The following RAD18 variants were observed in gnomAD, a reference collection of about 807,000 sequenced individuals.
The protein encoded by RAD18 is RAD18 E3 ubiquitin protein ligase.
Under a neutral mutation model 60.4 loss-of-function variants are expected in RAD18, and 47 were observed. That is an observed-to-expected ratio of 0.78 (90% CI 0.62 to 0.99). The LOEUF is 0.99. Among genes scored for constraint, RAD18 ranks in the 50% least tolerant of loss-of-function variants. The pLI is 0.00. For synonymous variants in RAD18, 225 were observed against 195.5 expected, an observed-to-expected ratio of 1.15 and a Z score of -1.26; for missense variants, 640 against 593.3, an observed-to-expected ratio of 1.08 and a Z score of -0.82.
intron 7 of RAD18, among the ~76,000 whole-genome samples, chr3:8,925,205 G>A (rs1437506065): frequency 6.0e-5 from 9 of 148,866 alleles, no homozygotes; most frequent in South Asian, 2.2e-4. Context: ...TCAAATAGAC[G>A]CAATAAAAAA....
At chr3:8,923,251 A>C (rs1305452106) in intron 7 of RAD18, among the ~76,000 whole-genome samples, 1 of 152,200 alleles carries the variant, frequency 6.6e-6, no homozygotes. Context: ...CATGGCACAA[A>C]AACTACGTGA....
At chr3:8,919,550 G>A (rs1940274826) in intron 7 of RAD18, among the ~76,000 whole-genome samples, 2 of 152,284 alleles carry the variant, frequency 1.3e-5, no homozygotes, top group African/African-American at 4.8e-5. Context: ...AAGTGTACAT[G>A]GATTTACATG....
chr3:8,923,764 AT>A (rs1282588307), intron 7 of RAD18, among the ~76,000 whole-genome samples: 1 of 152,212 alleles, frequency 6.6e-6, no homozygotes, highest in Non-Finnish European at 1.5e-5. Flanking sequence ...AATATTCAGC[AT>A]TCTTAAAGAA....
chr3:8,893,693 AT>A (rs71049754), intron 11 of RAD18, among the ~76,000 whole-genome samples: 49,715 of 104,588 alleles, frequency 0.48, 10,931 homozygotes, highest in Middle Eastern at 0.67. Flanking sequence ...AGCTTTTTTA[AT>A]TTTTTTTTTT....
At chr3:8,923,923 G>A (rs982218769) in intron 7 of RAD18, among the ~76,000 whole-genome samples, 1,840 of 152,156 alleles carry the variant, frequency 0.012, 18 homozygotes, top group Non-Finnish European at 0.019. Context: ...AGCACTAAAC[G>A]TGGAAAGGAA....
chr3:8,952,384 C>T (rs1940940733), intron 2 of RAD18, among the ~76,000 whole-genome samples: 1 of 152,152 alleles, frequency 6.6e-6, no homozygotes, highest in Non-Finnish European at 1.5e-5. Flanking sequence ...CTGAGCAATA[C>T]TGTAAGTCAA....
intron 5 of RAD18, 107 bp downstream of exon 5, chr3:8,941,360 G>A (rs1940743162): frequency 4.1e-6 from 4 of 970,888 alleles, no homozygotes; most frequent in Admixed American, 2.8e-5. Context: ...GGTAAAATCT[G>A]GTTTGTCCTT....
intron 6 of RAD18, among the ~76,000 whole-genome samples, chr3:8,936,793 G>A (rs541700344): frequency 2.0e-5 from 3 of 152,252 alleles, no homozygotes; most frequent in East Asian, 1.9e-4. Context: ...TATTTAAAAC[G>A]CAGATTCTCC....
chr3:8,931,918 T>C (rs1444661691), intron 7 of RAD18, among the ~76,000 whole-genome samples: 4 of 152,220 alleles, frequency 2.6e-5, no homozygotes, highest in East Asian at 1.9e-4. Context: ...TTTTAACAAA[T>C]GGTGCTGAAA....
intron 12 of RAD18, among the ~76,000 whole-genome samples, chr3:8,887,900 G>A (rs937367478): frequency 3.9e-5 from 6 of 152,184 alleles, no homozygotes; most frequent in Non-Finnish European, 5.9e-5. Flanking sequence ...GAGTATGCCT[G>A]TGACATGCAA....
At chr3:8,938,076 T>C (rs1940683406) in intron 6 of RAD18, among the ~76,000 whole-genome samples, 1 of 152,202 alleles carries the variant, frequency 6.6e-6, no homozygotes, top group Admixed American at 6.5e-5. Flanking sequence ...AACTCATGCA[T>C]TTCTAAAGAG....
chr3:8,948,765 T>A (rs1251565777), intron 2 of RAD18, among the ~76,000 whole-genome samples, 195 bp from the exon 3 acceptor site: 6 of 152,114 alleles, frequency 3.9e-5, no homozygotes, highest in Non-Finnish European at 7.4e-5. Flanking sequence ...AAGGAAAACA[T>A]AAATATTGTA....
At chr3:8,895,758 T>C (rs762704977) in intron 11 of RAD18, among the ~76,000 whole-genome samples, 1 of 152,206 alleles carries the variant, frequency 6.6e-6, no homozygotes, top group African/African-American at 2.4e-5. Flanking sequence ...CAACCTGTTT[T>C]CTCATCTCCA....
chr3:8,896,937 C>T (rs1939796471), intron 11 of RAD18, among the ~76,000 whole-genome samples: 1 of 151,656 alleles, frequency 6.6e-6, no homozygotes. Context: ...AAGTAAACTG[C>T]TGTATTTTTT....
At chr3:8,932,988 C>T (rs1017190193) in intron 7 of RAD18, among the ~76,000 whole-genome samples, 2 of 151,852 alleles carry the variant, frequency 1.3e-5, no homozygotes, top group African/African-American at 2.4e-5. Context: ...CCCAGCTACT[C>T]GGGAGGCTGA....
At chr3:8,933,123 T>TAAAAC (rs1940588463) in intron 7 of RAD18, among the ~76,000 whole-genome samples, 1 of 150,296 alleles carries the variant, frequency 6.7e-6, no homozygotes, top group Non-Finnish European at 1.5e-5. Flanking sequence ...TAAAATAAAA[T>TAAAAC]AAAAAATAAA....
Position 8,941,468 on chromosome 3 carries a change from T to A in RAD18, c.603A>T (p.Lys201Asn), listed in dbSNP as rs752890457. 1 of 1,590,300 alleles carries A rather than the reference T, an allele frequency of 6.3e-7. No individual in the cohort carries two copies. ...PSTSTLKQVT[K>N]VDCPVCGVNI... Reference sequence around the variant, plus strand: ...CCACATATGAAAATAACTTCCTACCTTTAGTAACTTGTTTCAAAGTGGATG... The same window carrying A: ...CCACATATGAAAATAACTTCCTACCATTAGTAACTTGTTTCAAAGTGGATG... Residue 201 changes from lysine (K) to asparagine (N), a missense_variant and splice_region_variant, in exon 5 of 13, where the codon AAA becomes AAT. Lys to Asn is a moderately conservative substitution (Grantham distance 94). Coordinates refer to ENST00000264926, the MANE Select transcript of RAD18 (RefSeq NM_020165.4).
chr3:8,938,826 G>A (rs1052780887), intron 6 of RAD18, among the ~76,000 whole-genome samples: 2 of 152,130 alleles, frequency 1.3e-5, no homozygotes, highest in Admixed American at 6.6e-5. Flanking sequence ...TCTAAATTGT[G>A]TCTTCTGCTT....
intron 7 of RAD18, among the ~76,000 whole-genome samples, chr3:8,924,231 T>C (rs1247039400): frequency 6.7e-6 from 1 of 149,944 alleles, no homozygotes; most frequent in Non-Finnish European, 1.5e-5. Context: ...ACCAAGCAAA[T>C]GGAAAACAAA....
Sources: gnomAD v4.1 joint callset for allele counts (sites outside exome capture counted in the v4.1 genomes callset) on GRCh38, gnomAD v4.1.1 for gene constraint, MANE v1.5 for transcripts, NCBI Gene and HGNC (gene_info 2026-07-23, HGNC 2026-07-21) for gene names.